The following ERN1 variants were observed in gnomAD, a reference collection of about 807,000 sequenced individuals.
ERN1 encodes endoplasmic reticulum to nucleus signaling 1.
ERN1 carries 39 observed loss-of-function variants against 113.1 expected under a neutral mutation model. That is an observed-to-expected ratio of 0.34 (90% CI 0.27 to 0.45). The LOEUF (loss-of-function observed/expected upper bound fraction) is 0.45. Among genes scored for constraint, ERN1 ranks in the 20% least tolerant of loss-of-function variants. The pLI is 1.00. For synonymous variants in ERN1, 507 were observed against 515.9 expected (o/e 0.98, Z 0.23); for missense variants, 976 against 1,274.8 (o/e 0.77, Z 3.57).
rs1417054851 is a variant in ERN1, at chr17:64,080,766, A to C, written c.209+9T>G. On this transcript the variant is annotated intron_variant, in intron 3 of 21. Coordinates refer to ENST00000433197, the MANE Select transcript of ERN1 (RefSeq NM_001433.5). ...TAAAGGGAAGTACTGAGCGAATCAG[A>C]AAACTTACTCTTCCACATGTGTTGG... 6.2e-7 allele frequency: 1 copy of C among 1,609,752 alleles called. No individual in the cohort carries two copies. Among genetic ancestry groups the C allele is most frequent in the East Asian group, 2.2e-5 (1 of 44,840 alleles).
chr17:64,097,592 A>G (rs1293001653), intron 2 of ERN1, among the ~76,000 whole-genome samples: 1 of 152,206 alleles, frequency 6.6e-6, no homozygotes, highest in African/African-American at 2.4e-5. Flanking sequence ...ATCAGATCAT[A>G]ACATGGACGC....
At chr17:64,069,926 A>G (rs1913357926) in intron 6 of ERN1, among the ~76,000 whole-genome samples, 2 of 152,174 alleles carry the variant, frequency 1.3e-5, no homozygotes, top group Non-Finnish European at 2.9e-5. Flanking sequence ...GGAGGACTGC[A>G]GTAGAACATC....
At chr17:64,101,728 A>G (rs982118713) in intron 1 of ERN1, among the ~76,000 whole-genome samples, 1 of 152,218 alleles carries the variant, frequency 6.6e-6, no homozygotes, top group African/African-American at 2.4e-5. Context: ...GGGTCTCCCA[A>G]TAAGAATGTA....
intron 1 of ERN1, 32 bp from the exon 2 acceptor site, chr17:64,098,273 G>A: frequency 6.2e-7 from 1 of 1,613,188 alleles, no homozygotes; most frequent in Non-Finnish European, 8.5e-7. Context: ...TCTTAATGTT[G>A]ATATGATTCT....
chr17:64,113,977 C>T (rs1006557105), intron 1 of ERN1, among the ~76,000 whole-genome samples: 4 of 151,702 alleles, frequency 2.6e-5, no homozygotes, highest in Non-Finnish European at 2.9e-5. Context: ...CCACCGTGCC[C>T]GGTGACCTTT....
rs1913115062 is a variant in ERN1 at position 64,063,437 on chromosome 17, G to A, written c.1087+549C>T. ...ATTAGTGATGGCAGCAAAAACAAGAGAAAGAGGAAAAAAGGGACCTTCCCA... is the reference window on the plus strand; with the variant it reads ...ATTAGTGATGGCAGCAAAAACAAGAAAAAGAGGAAAAAAGGGACCTTCCCA... On this transcript the variant is annotated intron_variant, in intron 10 of 21. Coordinates refer to ENST00000433197, the MANE Select transcript of ERN1 (RefSeq NM_001433.5). The surrounding 1 kb of genome is among the most constrained non-coding windows in gnomAD (Gnocchi z 5.1). Among the ~76,000 whole-genome samples, 1 of 152,098 alleles carries A rather than the reference G, an allele frequency of 6.6e-6. No individual in the cohort carries two copies. Among genetic ancestry groups the A allele is most frequent in the African/African-American group, 2.4e-5 (1 of 41,398 alleles).
intron 2 of ERN1, among the ~76,000 whole-genome samples, chr17:64,089,628 T>G (rs1007477447): frequency 1.3e-5 from 2 of 152,054 alleles, no homozygotes; most frequent in African/African-American, 4.8e-5. Context: ...AGGCGGGCAT[T>G]GAGGCACAAA....
chr17:64,073,045 G>T (rs927131247), intron 5 of ERN1, among the ~76,000 whole-genome samples: 1 of 145,720 alleles, frequency 6.9e-6, no homozygotes, highest in Non-Finnish European at 1.5e-5. Flanking sequence ...TTGCTCTGTC[G>T]CCCAAGGAGG....
intron 2 of ERN1, among the ~76,000 whole-genome samples, chr17:64,097,337 A>G (rs1914257316): frequency 6.6e-6 from 1 of 152,182 alleles, no homozygotes; most frequent in East Asian, 1.9e-4. Context: ...TTTATTAAGG[A>G]AGGAAAAACA....
At chr17:64,080,939 G>T in intron 2 of ERN1, 131 bp from the exon 3 acceptor site, 2 of 787,864 alleles carry the variant, frequency 2.5e-6, no homozygotes, top group Non-Finnish European at 4.2e-6. Flanking sequence ...ATGGGCTAGT[G>T]CACGTGAAGG....
At chr17:64,081,234 T>C (rs1174425005) in intron 2 of ERN1, among the ~76,000 whole-genome samples, 1 of 152,160 alleles carries the variant, frequency 6.6e-6, no homozygotes, top group Non-Finnish European at 1.5e-5. Flanking sequence ...CATATTCCCA[T>C]TAGGAAAAGT....
chr17:64,127,791 T>C (rs114818789), intron 1 of ERN1, among the ~76,000 whole-genome samples: 1,956 of 150,380 alleles, frequency 0.013, 37 homozygotes, highest in African/African-American at 0.045. Flanking sequence ...GTAGTAGTAG[T>C]AGTAAAAGAA....
chr17:64,095,598 C>T (rs1490743751), intron 2 of ERN1, among the ~76,000 whole-genome samples: 1 of 152,150 alleles, frequency 6.6e-6, no homozygotes, highest in Non-Finnish European at 1.5e-5. Flanking sequence ...AGGTCTGCTT[C>T]CTGTTTCTAG....
chr17:64,070,004 G>A (rs560965158), intron 6 of ERN1, among the ~76,000 whole-genome samples: 10 of 152,248 alleles, frequency 6.6e-5, no homozygotes, highest in South Asian at 2.1e-4. Context: ...TCAAGAAGCC[G>A]AGTCTATATC....
intron 4 of ERN1, among the ~76,000 whole-genome samples, chr17:64,077,593 C>G (rs933675764): frequency 6.6e-6 from 1 of 152,112 alleles, no homozygotes; most frequent in South Asian, 2.1e-4. Flanking sequence ...CGGCGTGTGT[C>G]GTCATAGACT....
rs775484325 is a variant in ERN1, at chr17:64,043,942, C to A, written c.*46G>T. Reference sequence around the variant, plus strand: ...TCAAGCTCTAATTGTGGTGACCAGGCCCTCAGTCACAGCTGGGGCCACCAG... The same window carrying A: ...TCAAGCTCTAATTGTGGTGACCAGGACCTCAGTCACAGCTGGGGCCACCAG... On this transcript the variant is annotated 3_prime_UTR_variant, in exon 22 of 22. Transcript: ENST00000433197. 5.1e-5 allele frequency: 67 copies of A among 1,322,442 alleles called. No individual in the cohort carries two copies. Among genetic ancestry groups the A allele is most frequent in the Non-Finnish European group, 4.3e-5 (40 of 938,600 alleles). 81.9% of individuals were successfully genotyped at this position (1,322,442 alleles called of 1,614,324 possible).
chr17:64,070,726 T>C (rs911568141), intron 6 of ERN1, among the ~76,000 whole-genome samples: 5 of 152,234 alleles, frequency 3.3e-5, no homozygotes, highest in Non-Finnish European at 7.3e-5. Context: ...TAGTGCTCAA[T>C]TGTAATGAAT....
chr17:64,102,002 G>A (rs928198045), intron 1 of ERN1, among the ~76,000 whole-genome samples: 1 of 152,066 alleles, frequency 6.6e-6, no homozygotes, highest in African/African-American at 2.4e-5. Context: ...AATCATGGCC[G>A]GGACCGGTGG....
In ERN1 at chr17:64,079,795, C is replaced by CA; in HGVS notation, c.210-62dup. The CA allele has an allele frequency of 3.0e-6, 4 of 1,316,034 alleles. No individual in the cohort carries two copies. In the South Asian group the frequency reaches 5.0e-5, roughly 16 times the overall value. 81.5% of individuals were successfully genotyped at this position (1,316,034 alleles called of 1,614,324 possible). A position where few individuals can be genotyped will look rare whatever the true frequency, so the allele number is the denominator to read the frequency against. Reference sequence around the variant, plus strand: ...CAGCCCAGGGCATGGAACAACATACCAAAGCCACGCAAACCCATGATGGAG... The same window carrying CA: ...CAGCCCAGGGCATGGAACAACATACCAAAAGCCACGCAAACCCATGATGGAG... On this transcript the variant is annotated intron_variant, in intron 3 of 21. Transcript: ENST00000433197.
Sources: gnomAD v4.1 joint callset for allele counts (sites outside exome capture counted in the v4.1 genomes callset) on GRCh38, gnomAD v4.1.1 for gene constraint, Gnocchi (gnomAD v3.1) non-coding constraint, MANE v1.5 for transcripts, NCBI Gene and HGNC (gene_info 2026-07-23, HGNC 2026-07-21) for gene names.